The following ST7 variants were observed in gnomAD, a reference collection of about 807,000 sequenced individuals.
The protein encoded by ST7 is suppressor of tumorigenicity 7 protein.
ST7 carries 28 observed loss-of-function variants against 78.7 expected under a neutral mutation model. The observed-to-expected ratio is 0.36, with a 90% confidence interval of 0.26 to 0.49. The LOEUF (loss-of-function observed/expected upper bound fraction) is 0.49. Ranked by LOEUF, ST7 falls within the 20% of genes least tolerant of loss-of-function variation. ST7 has a pLI of 0.99. For synonymous variants in ST7, 247 were observed against 249.6 expected, an observed-to-expected ratio of 0.99 and a Z score of 0.10; for missense variants, 418 against 696.0, an observed-to-expected ratio of 0.60 and a Z score of 4.49.
chr7:117,146,237 G>A (rs530995793), intron 9 of ST7: 1 of 152,236 alleles, frequency 6.6e-6, no homozygotes. Flanking sequence ...CCATCGCACT[G>A]TAAAGGCATA....
chr7:117,176,412 G>A (rs38862), intron 10 of ST7, among the ~76,000 whole-genome samples: 19,162 of 152,158 alleles, frequency 0.13, 2,268 homozygotes, highest in African/African-American at 0.31. Context: ...TGGAGGAAAT[G>A]CTTTCATCTC....
rs555607363 is a variant in ST7, at chr7:117,063,957, A to G, written c.152-35805A>G. ...GTGTTCTTGTATGATTTGAAGCACAATAATTTTCAGAACATTAAATTTCTA... is the reference window on the plus strand; with the variant it reads ...GTGTTCTTGTATGATTTGAAGCACAGTAATTTTCAGAACATTAAATTTCTA... On this transcript the variant is annotated intron_variant, in intron 1 of 15. Transcript: ENST00000323984. Among the ~76,000 whole-genome samples the G allele has an allele frequency of 2.6e-5, 4 of 152,334 alleles. No individual in the cohort carries two copies. In the South Asian group the frequency reaches 8.3e-4, roughly 32 times the overall value.
intron 1 of ST7, among the ~76,000 whole-genome samples, chr7:117,035,864 G>A (rs1212615808): frequency 6.6e-6 from 1 of 151,772 alleles, no homozygotes; most frequent in Non-Finnish European, 1.5e-5. Context: ...AGGATAGATG[G>A]TTCTTAAAGA....
intron 9 of ST7, among the ~76,000 whole-genome samples, chr7:117,141,220 C>G (rs1726672380): frequency 6.6e-6 from 1 of 152,158 alleles, no homozygotes; most frequent in African/African-American, 2.4e-5. Flanking sequence ...GAGTTTAAAA[C>G]TTTCCTAGAG....
intron 1 of ST7, among the ~76,000 whole-genome samples, chr7:117,017,497 G>A (rs1211173825): frequency 3.3e-5 from 5 of 151,796 alleles, no homozygotes; most frequent in South Asian, 2.1e-4. Context: ...CCTTCCTTTC[G>A]TTGCTAACTT....
At chr7:117,228,480 G>A (rs911035599) in intron 15 of ST7, among the ~76,000 whole-genome samples, 2 of 152,108 alleles carry the variant, frequency 1.3e-5, no homozygotes, top group Non-Finnish European at 2.9e-5. Flanking sequence ...CAAATTTTAC[G>A]CTGTCTTGAT....
intron 9 of ST7, among the ~76,000 whole-genome samples, chr7:117,151,764 G>T (rs1287481243): frequency 1.3e-5 from 2 of 152,106 alleles, no homozygotes; most frequent in African/African-American, 4.8e-5. Flanking sequence ...ATGGGGAGTA[G>T]AGGGGTACAC....
intron 1 of ST7, among the ~76,000 whole-genome samples, chr7:117,067,307 AGAACTGCT>A (rs956897874): frequency 6.6e-6 from 1 of 152,062 alleles, no homozygotes; most frequent in African/African-American, 2.4e-5. Flanking sequence ...TACATTTTGA[AGAACTGCT>A]GAACTGTTTT....
intron 1 of ST7, among the ~76,000 whole-genome samples, chr7:117,059,073 A>T (rs981018839): frequency 6.6e-6 from 1 of 152,214 alleles, no homozygotes; most frequent in African/African-American, 2.4e-5. Context: ...GGATGTGGAG[A>T]TAGTTAATGG....
intron 1 of ST7, among the ~76,000 whole-genome samples, chr7:116,978,615 T>G (rs2116312008): frequency 6.6e-6 from 1 of 152,312 alleles, no homozygotes; most frequent in South Asian, 2.1e-4. Flanking sequence ...AGAGACAGTC[T>G]TTCTCTGTTG....
chr7:117,146,225 T>C (rs1162036755), intron 9 of ST7: 1 of 152,158 alleles, frequency 6.6e-6, no homozygotes, highest in Non-Finnish European at 1.5e-5. Context: ...ACTTCTACAG[T>C]GCCATCGCAC....
chr7:117,151,858 G>A (rs1806270146), intron 9 of ST7, among the ~76,000 whole-genome samples: 1 of 151,994 alleles, frequency 6.6e-6, no homozygotes, highest in South Asian at 2.1e-4. Context: ...GGTGGCTCAC[G>A]CCTATAATCT....
intron 4 of ST7, 137 bp downstream of exon 4, chr7:117,129,984 A>G (rs1017484502): frequency 1.7e-5 from 10 of 603,390 alleles, no homozygotes; most frequent in African/African-American, 1.4e-4. Context: ...CTATCTTCAA[A>G]TGTTTTGATT....
intron 1 of ST7, among the ~76,000 whole-genome samples, chr7:117,066,576 A>G (rs1798643125): frequency 6.6e-6 from 1 of 151,978 alleles, no homozygotes; most frequent in South Asian, 2.1e-4. Context: ...CCTGGCCAAT[A>G]TGGTGAAATC....
chr7:116,990,003 C>T (rs769379381), intron 1 of ST7, among the ~76,000 whole-genome samples: 6 of 152,226 alleles, frequency 3.9e-5, no homozygotes, highest in South Asian at 2.1e-4. Flanking sequence ...TGCAGTGGCA[C>T]GATCTCGGCT....
At chr7:116,954,797 C>T (rs1349372972) in intron 1 of ST7, 2 of 275,486 alleles carry the variant, frequency 7.3e-6, no homozygotes, top group African/African-American at 4.5e-5. Flanking sequence ...TCTCCATACT[C>T]TGGGAGTGCA....
chr7:117,065,410 C>T (rs1375622666), intron 1 of ST7, among the ~76,000 whole-genome samples: 1 of 152,002 alleles, frequency 6.6e-6, no homozygotes, highest in African/African-American at 2.4e-5. Context: ...GGGGTTTCAC[C>T]GTGTTAGCCA....
intron 1 of ST7, chr7:117,098,865 G>T (rs1801327898): frequency 7.8e-7 from 1 of 1,277,840 alleles, no homozygotes; most frequent in Admixed American, 2.4e-5. Context: ...GTAGTATCTA[G>T]ATATAAATAA....
intron 1 of ST7, among the ~76,000 whole-genome samples, chr7:117,057,729 A>G (rs1196719637): frequency 6.6e-6 from 1 of 152,194 alleles, no homozygotes; most frequent in African/African-American, 2.4e-5. Context: ...TTTACAAAAT[A>G]CCTTTGAAAA....
Sources: gnomAD v4.1 joint callset for allele counts (sites outside exome capture counted in the v4.1 genomes callset) on GRCh38, gnomAD v4.1.1 for gene constraint, MANE v1.5 for transcripts, NCBI Gene and HGNC (gene_info 2026-07-23, HGNC 2026-07-21) for gene names.